The following DYNC2H1 variants were observed in gnomAD, a reference collection of about 807,000 sequenced individuals.
The protein encoded by DYNC2H1 is dynein cytoplasmic 2 heavy chain 1.
In DYNC2H1, 410 loss-of-function variants were observed where a neutral mutation model predicts 570.0. That is an observed-to-expected ratio of 0.72 (90% CI 0.66 to 0.78). The LOEUF (loss-of-function observed/expected upper bound fraction) is 0.78, where lower values mean the gene tolerates loss of function less well. DYNC2H1 is among the 30% of genes least tolerant of loss of function. The pLI, the probability that DYNC2H1 is intolerant of heterozygous loss-of-function variation, is 0.00. For missense variants in DYNC2H1, 4,865 were observed against 5,046.4 expected (o/e 0.96, Z 1.09); for synonymous variants, 1,688 against 1,677.6 (o/e 1.01, Z -0.15).
intron 1 of DYNC2H1, among the ~76,000 whole-genome samples, chr11:103,110,222 C>G (rs188830804): frequency 1.6e-4 from 24 of 152,088 alleles, no homozygotes; most frequent in Non-Finnish European, 1.3e-4. Context: ...GGTTTCACCA[C>G]GTTGGCCATG....
At chr11:103,397,721 C>T (rs1942456641) in intron 83 of DYNC2H1, among the ~76,000 whole-genome samples, 1 of 152,150 alleles carries the variant, frequency 6.6e-6, no homozygotes, top group East Asian at 1.9e-4. Flanking sequence ...ATGGCAAATA[C>T]CTGTCTCTAC....
chr11:103,416,720 G>T (rs972280410), intron 84 of DYNC2H1, among the ~76,000 whole-genome samples: 8 of 152,262 alleles, frequency 5.3e-5, no homozygotes, highest in South Asian at 2.1e-4. Flanking sequence ...TCAGGACATA[G>T]GCACTGGCAA....
At chr11:103,427,594 C>G (rs753053018) in intron 84 of DYNC2H1, among the ~76,000 whole-genome samples, 1 of 152,078 alleles carries the variant, frequency 6.6e-6, no homozygotes, top group African/African-American at 2.4e-5. Flanking sequence ...AGTCCAAGAT[C>G]AAAGGGCTGG....
At chr11:103,337,574 T>C (rs530209735) in intron 82 of DYNC2H1, among the ~76,000 whole-genome samples, 1 of 152,334 alleles carries the variant, frequency 6.6e-6, no homozygotes, top group East Asian at 1.9e-4. Context: ...TAAAAGCTAT[T>C]TTAACTGGGG....
intron 83 of DYNC2H1, among the ~76,000 whole-genome samples, chr11:103,391,706 C>G (rs1209483653): frequency 6.6e-6 from 1 of 152,208 alleles, no homozygotes; most frequent in East Asian, 1.9e-4. Context: ...TGTTAGTTTT[C>G]CTTCTAACAG....
At chr11:103,424,443 C>T (rs1038609579) in intron 84 of DYNC2H1, among the ~76,000 whole-genome samples, 2 of 152,012 alleles carry the variant, frequency 1.3e-5, no homozygotes, top group African/African-American at 4.8e-5. Flanking sequence ...CATATTTGCC[C>T]ACTATATCAC....
chr11:103,242,472 C>G (rs958529897), intron 63 of DYNC2H1, among the ~76,000 whole-genome samples: 16 of 152,044 alleles, frequency 1.1e-4, no homozygotes, highest in South Asian at 4.1e-4. Flanking sequence ...ACTGCTGTAC[C>G]CCATTCTAAG....
At chr11:103,216,332 T>C (rs1371916940) in intron 55 of DYNC2H1, among the ~76,000 whole-genome samples, 1 of 152,206 alleles carries the variant, frequency 6.6e-6, no homozygotes, top group Admixed American at 6.5e-5. Context: ...TTGAACCCTT[T>C]CAAGGGAGAT....
intron 66 of DYNC2H1, 149 bp from the exon 67 acceptor site, chr11:103,255,266 G>C: frequency 2.4e-6 from 2 of 816,432 alleles, no homozygotes; most frequent in South Asian, 2.0e-5. Context: ...ATTGTTGAAG[G>C]TGTCTTATGT....
intron 39 of DYNC2H1, among the ~76,000 whole-genome samples, chr11:103,179,522 T>A (rs1028975916): frequency 6.6e-6 from 1 of 151,834 alleles, no homozygotes; most frequent in Non-Finnish European, 1.5e-5. Context: ...TGTGACTGAT[T>A]TCAGAGAAGT....
Position 103,154,708 on chromosome 11 carries a change from C to A in DYNC2H1, c.3472C>A (p.Leu1158Met), listed in dbSNP as rs1172411192. The A allele has an allele frequency of 4.5e-6, 7 of 1,567,348 alleles. No individual in the cohort carries two copies. Among genetic ancestry groups the A allele is most frequent in the African/African-American group, 1.4e-5 (1 of 73,718 alleles). ...GGTATTTTATAGGACTAAGACATAC[C>A]TGTTTGAGGAATTTTTGATGAACTG... Reference protein sequence around the residue: ...DWITFRTKTYLFEEFLMNWHD... With the variant: ...DWITFRTKTYMFEEFLMNWHD... Residue 1158 changes from leucine (L) to methionine (M), a missense_variant, in exon 24 of 89, where the codon CTG (leucine) becomes ATG (methionine). Leu to Met is a conservative substitution (Grantham distance 15). Transcript: ENST00000375735.
In DYNC2H1 at chr11:103,116,722, T is replaced by TA. The variant is rs1315041233; in HGVS notation, c.766+15dup. On this transcript the variant is annotated intron_variant, in intron 5 of 88. Transcript: ENST00000375735. ...ATCTCTTAGACATCATAGGTACTAG[T>TA]AAAAAAATGAACTTTTGGAATTTTG... The TA allele has an allele frequency of 1.9e-6, 3 of 1,573,894 alleles. No individual in the cohort carries two copies. The highest frequency in any genetic ancestry group is 2.3e-5 in the East Asian group (1 of 44,064).
chr11:103,243,439 C>T lies in DYNC2H1; in HGVS notation c.9820-254C>T, dbSNP rs1210456079. On this transcript the variant is annotated intron_variant, in intron 63 of 88. Coordinates refer to ENST00000375735, the MANE Select transcript of DYNC2H1 (RefSeq NM_001377.3). The surrounding 1 kb of genome is among the most constrained non-coding windows in gnomAD (Gnocchi z 4.8). The stretch of plus-strand genomic sequence containing the variant: ...CTGTGTTATTTTGTGTTAAGTAGGA[C>T]TGTACTCTCTATACTCTGGCTAAAT... Among the ~76,000 whole-genome samples the T allele has an allele frequency of 6.6e-6, 1 of 152,120 alleles. No homozygotes were observed. The highest frequency in any genetic ancestry group is 1.5e-5 in the Non-Finnish European group (1 of 68,020).
chr11:103,138,698 G>C (rs1859713897), intron 17 of DYNC2H1, among the ~76,000 whole-genome samples: 2 of 152,172 alleles, frequency 1.3e-5, no homozygotes, highest in African/African-American at 4.8e-5. Context: ...TCTCTGCCCG[G>C]CTTTGGTGTC....
intron 84 of DYNC2H1, among the ~76,000 whole-genome samples, chr11:103,411,619 G>A (rs1420000614): frequency 6.6e-6 from 1 of 151,214 alleles, no homozygotes; most frequent in African/African-American, 2.4e-5. Context: ...GAAAGATAAA[G>A]AACAAAAAGG....
In DYNC2H1 at chr11:103,133,694, C is replaced by A. The variant is rs1270279240; in HGVS notation, c.2093C>A (p.Thr698Lys). 1 of 1,604,574 alleles carries A rather than the reference C, an allele frequency of 6.2e-7. No homozygotes were observed. Among genetic ancestry groups the A allele is most frequent in the Non-Finnish European group, 8.5e-7 (1 of 1,175,156 alleles). ...ENRKLRKWHT[T>K]FCEKVVVLMN... The stretch of plus-strand genomic sequence containing the variant: ...AGAAAACTGAGAAAATGGCACACTA[C>A]ATTTTGTGAAAAGGTATATTTTGTT... Residue 698 changes from threonine (T) to lysine (K), a missense_variant, in exon 14 of 89, where the codon ACA (threonine) becomes AAA (lysine). This residue lies in a region of DYNC2H1 where 1,936 missense variants were observed against 1,962.1 expected (regional missense o/e 0.99). Transcript: ENST00000375735. The surrounding 1 kb of genome is among the most constrained non-coding windows in gnomAD (Gnocchi z 4.8).
Position 103,125,144 on chromosome 11 carries a change from G to A in DYNC2H1, c.1706G>A (p.Gly569Glu). ...SRIMELDSND[G>E]LLKVHYSDRL... ...ATTATGGAATTGGATTCTAATGATG[G>A]ATTACTAAAAGTGCATTATTCAGAT... is the stretch of plus-strand genomic sequence containing the variant. The change falls in exon 12 of 89, where the codon GGA becomes GAA. Residue 569 changes from glycine (G) to glutamate (E), a missense_variant. Coordinates refer to ENST00000375735, the MANE Select transcript of DYNC2H1 (RefSeq NM_001377.3). 2 of 1,613,474 alleles carry A rather than the reference G, an allele frequency of 1.2e-6. No individual in the cohort carries two copies. The highest frequency in any genetic ancestry group is 1.7e-6 in the Non-Finnish European group (2 of 1,179,688).
chr11:103,127,810 T>C (rs1859074153), intron 12 of DYNC2H1, among the ~76,000 whole-genome samples: 1 of 152,254 alleles, frequency 6.6e-6, no homozygotes, highest in African/African-American at 2.4e-5. Flanking sequence ...TGCTTGGCTC[T>C]GTTCTTAGAG....
chr11:103,262,045 G>T (rs1865317205), intron 70 of DYNC2H1, among the ~76,000 whole-genome samples: 1 of 152,144 alleles, frequency 6.6e-6, no homozygotes, highest in Non-Finnish European at 1.5e-5. Context: ...CAAGAACTGT[G>T]TGAAGCATAC....
Sources: gnomAD v4.1 joint callset for allele counts (sites outside exome capture counted in the v4.1 genomes callset) on GRCh38, gnomAD v4.1.1 for gene constraint, gnomAD v4.1.1 regional missense constraint, Gnocchi (gnomAD v3.1) non-coding constraint, MANE v1.5 for transcripts, NCBI Gene and HGNC (gene_info 2026-07-23, HGNC 2026-07-21) for gene names.